The following RBBP4 variants were observed in gnomAD, a reference collection of about 807,000 sequenced individuals.
RBBP4 encodes histone-binding protein RBBP4.
In RBBP4, 3 loss-of-function variants were observed where a neutral mutation model predicts 57.2. The observed-to-expected ratio is 0.05, with a 90% CI of 0.02 to 0.14. RBBP4 has a LOEUF of 0.14. RBBP4 is among the 10% of genes least tolerant of loss of function. RBBP4 has a pLI of 1.00. For synonymous variants in RBBP4, 151 were observed against 171.5 expected (o/e 0.88, Z 0.93); for missense variants, 107 against 520.6 (o/e 0.21, Z 7.73).
chr1:32,657,122 G>T (rs1383476719), intron 2 of RBBP4, among the ~76,000 whole-genome samples: 1 of 151,908 alleles, frequency 6.6e-6, no homozygotes, highest in Non-Finnish European at 1.5e-5. Flanking sequence ...CTAAAAATAC[G>T]AAAATCAGCC....
At chr1:32,653,660 GTTTTTGTTTTTTTTTTTGA>G (rs1648004424) in intron 2 of RBBP4, among the ~76,000 whole-genome samples, 1 of 45,036 alleles carries the variant, frequency 2.2e-5, no homozygotes, top group African/African-American at 1.0e-4. Flanking sequence ...TTTTTTTTTT[GTTTTTGTTTTTTTTTTTGA>G]GACGGAGTCT....
At chr1:32,674,551 A>T (rs1181720244) in intron 11 of RBBP4, among the ~76,000 whole-genome samples, 2 of 149,428 alleles carry the variant, frequency 1.3e-5, no homozygotes, top group African/African-American at 4.9e-5. Context: ...GTTTTTAAAG[A>T]AGTGCGTAAC....
intron 2 of RBBP4, 29 bp from the exon 3 acceptor site, chr1:32,657,398 T>G (rs1340969793): frequency 6.2e-7 from 1 of 1,600,166 alleles, no homozygotes; most frequent in Non-Finnish European, 8.5e-7. Flanking sequence ...GTTACTAATT[T>G]GAACAGTGAC....
intron 3 of RBBP4, among the ~76,000 whole-genome samples, chr1:32,659,878 C>T (rs561418619): frequency 1.3e-5 from 2 of 152,232 alleles, no homozygotes; most frequent in East Asian, 1.9e-4. Flanking sequence ...ACTTCAAAAG[C>T]ATAGTTTTGC....
Position 32,684,261 on chromosome 1 carries a change from T to A in RBBP4, c.*4556T>A. ...TTGTATAGCAGCAGAAACTGACTTA[T>A]AAGTAGAGAGCTCTTCAGCAAGACT... On this transcript the variant is annotated 3_prime_UTR_variant, in exon 12 of 12. Transcript: ENST00000373493. The A allele has an allele frequency of 6.2e-7, 1 of 1,614,240 alleles. No individual in the cohort carries two copies. Among genetic ancestry groups the A allele is most frequent in the Non-Finnish European group, 8.5e-7 (1 of 1,180,040 alleles).
intron 11 of RBBP4, among the ~76,000 whole-genome samples, chr1:32,678,893 T>C (rs1372005072): frequency 6.6e-6 from 1 of 151,456 alleles, no homozygotes; most frequent in Non-Finnish European, 1.5e-5. Context: ...CTGGCCTGAC[T>C]GGCTTTTTTA....
chr1:32,670,594 C>T (rs1040432696), intron 8 of RBBP4, among the ~76,000 whole-genome samples: 7 of 151,536 alleles, frequency 4.6e-5, no homozygotes, highest in Admixed American at 2.0e-4. Context: ...TTTTTTGAGA[C>T]GGCATTTTGC....
At position 32,680,360 on chromosome 1, in the gene RBBP4, T is replaced by TG. The variant is rs1649354616; in HGVS notation, c.*655_*656insG. On this transcript the variant is annotated 3_prime_UTR_variant, in exon 12 of 12. Transcript: ENST00000373493. ...GGTGTTTTTTTTTTTGTTGTTGGTTTTTTTTTTTTTTTTTTTAACTTGGGA... is the reference window on the plus strand; with the variant it reads ...GGTGTTTTTTTTTTTGTTGTTGGTTTGTTTTTTTTTTTTTTTTAACTTGGGA... 1.1e-5 allele frequency: 9 copies of TG among 845,250 alleles called. No individual in the cohort carries two copies. The highest frequency in any genetic ancestry group is 4.8e-5 in the South Asian group (1 of 20,836). 52.4% of individuals were successfully genotyped at this position (845,250 alleles called of 1,614,324 possible). A position where few individuals can be genotyped will look rare whatever the true frequency, so the allele number is the denominator to read the frequency against.
intron 3 of RBBP4, among the ~76,000 whole-genome samples, chr1:32,667,359 C>T (rs188079965): frequency 3.6e-4 from 55 of 152,328 alleles, no homozygotes; most frequent in Admixed American, 3.5e-3. Flanking sequence ...TACCTCTCTG[C>T]TTCAGCTGCC....
chr1:32,656,834 C>T (rs1648164427), intron 2 of RBBP4, among the ~76,000 whole-genome samples: 1 of 151,956 alleles, frequency 6.6e-6, no homozygotes, highest in South Asian at 2.1e-4. Flanking sequence ...CCCTTCTTTC[C>T]TTTTTAATGA....
chr1:32,684,336 C>A lies in RBBP4; in HGVS notation c.*4631C>A, dbSNP rs1339649877. On this transcript the variant is annotated 3_prime_UTR_variant, in exon 12 of 12. Coordinates refer to ENST00000373493, the MANE Select transcript of RBBP4 (RefSeq NM_005610.3). Reference sequence around the variant, plus strand: ...GTTCTTCTGTTGCTGGAGTTGCACCCCATTTCTTAACTGCCTCTGGCGTTC... The same window carrying A: ...GTTCTTCTGTTGCTGGAGTTGCACCACATTTCTTAACTGCCTCTGGCGTTC... 1 of 1,614,188 alleles carries A rather than the reference C, an allele frequency of 6.2e-7. No homozygotes were observed. Among genetic ancestry groups the A allele is most frequent in the Non-Finnish European group, 8.5e-7 (1 of 1,180,032 alleles).
chr1:32,677,215 C>T (rs997761529), intron 11 of RBBP4, among the ~76,000 whole-genome samples: 1 of 152,070 alleles, frequency 6.6e-6, no homozygotes, highest in African/African-American at 2.4e-5. Flanking sequence ...TAGATAGCCT[C>T]ATAGTTGGTT....
intron 8 of RBBP4, 146 bp from the exon 9 acceptor site, chr1:32,672,304 T>C: frequency 1.5e-6 from 1 of 675,758 alleles, no homozygotes; most frequent in Non-Finnish European, 2.5e-6. Context: ...ATTCTTTAGC[T>C]CTTAATTTTA....
Position 32,680,489 on chromosome 1 carries a change from A to G in RBBP4, c.*784A>G. 2.6e-6 allele frequency: 4 copies of G among 1,540,698 alleles called. No homozygotes were observed. The highest frequency in any genetic ancestry group is 3.5e-6 in the Non-Finnish European group (4 of 1,143,224). On this transcript the variant is annotated 3_prime_UTR_variant, in exon 12 of 12. Coordinates refer to ENST00000373493, the MANE Select transcript of RBBP4 (RefSeq NM_005610.3). ...ATAACTTGTATTTGTTTTAAAAATT[A>G]AATTAATCCTTGATAAGAGTTGCTT...
rs975631252 is a variant in RBBP4, at chr1:32,679,707, T to TA, written c.*3dup. 8 of 1,612,938 alleles carry TA rather than the reference T, an allele frequency of 5.0e-6. No homozygotes were observed. The highest frequency in any genetic ancestry group is 2.7e-5 in the African/African-American group (2 of 74,862). ...GATCCAGAAGGACAAGGGTCCTAGA[T>TA]ATGTCTTTACTTGTTGTGATTTTAG... On this transcript the variant is annotated 3_prime_UTR_variant, in exon 12 of 12. Transcript: ENST00000373493.
At chr1:32,673,029 T>G in intron 11 of RBBP4, 128 bp downstream of exon 11, 1 of 748,378 alleles carries the variant, frequency 1.3e-6, no homozygotes, top group Non-Finnish European at 2.2e-6. Flanking sequence ...TTTTAAGACT[T>G]GTCTATACAT....
At position 32,681,804 on chromosome 1, in the gene RBBP4, A is replaced by G. The variant is rs762110687; in HGVS notation, c.*2099A>G. ...AAAGGGTACTTAGTGATCCTTTGCT[A>G]AGAAGTTTTTTGCTGTTTCCGGGTT... On this transcript the variant is annotated 3_prime_UTR_variant, in exon 12 of 12. Coordinates refer to ENST00000373493, the MANE Select transcript of RBBP4 (RefSeq NM_005610.3). 4 of 1,614,022 alleles carry G rather than the reference A, an allele frequency of 2.5e-6. No individual in the cohort carries two copies. Among genetic ancestry groups the G allele is most frequent in the East Asian group, 4.5e-5 (2 of 44,894 alleles).
At chr1:32,661,541 G>A (rs1437794783) in intron 3 of RBBP4, among the ~76,000 whole-genome samples, 1 of 151,932 alleles carries the variant, frequency 6.6e-6, no homozygotes, top group East Asian at 1.9e-4. Flanking sequence ...TGATCCACCT[G>A]CGTCAGCCTC....
chr1:32,655,043 G>T (rs1425246949), intron 2 of RBBP4, among the ~76,000 whole-genome samples: 1 of 152,042 alleles, frequency 6.6e-6, no homozygotes, highest in Non-Finnish European at 1.5e-5. Context: ...AGACTGTGTT[G>T]CAGTGGCACG....
Sources: gnomAD v4.1 joint callset for allele counts (sites outside exome capture counted in the v4.1 genomes callset) on GRCh38, gnomAD v4.1.1 for gene constraint, MANE v1.5 for transcripts, NCBI Gene and HGNC (gene_info 2026-07-23, HGNC 2026-07-21) for gene names.